Variants in ZSCAN5A observed in about 807,000 individuals in gnomAD.
The protein encoded by ZSCAN5A is zinc finger and SCAN domain-containing protein 5A.
In ZSCAN5A, 12 loss-of-function variants were observed where a neutral mutation model predicts 23.7. That is an observed-to-expected ratio of 0.51 (90% CI 0.32 to 0.82). The LOEUF (loss-of-function observed/expected upper bound fraction) is 0.82. ZSCAN5A is among the 40% of genes least tolerant of loss of function. ZSCAN5A has a pLI of 0.03. For synonymous variants in ZSCAN5A, 257 were observed against 239.9 expected (o/e 1.07, Z -0.66); for missense variants, 597 against 617.9 (o/e 0.97, Z 0.36).
chr19:56,228,324 G>A (rs1275799527), intron 2 of ZSCAN5A: 4 of 985,278 alleles, frequency 4.1e-6, no homozygotes, highest in East Asian at 1.1e-4. Flanking sequence ...GCTGAACTGC[G>A]TCTATTTATG....
chr19:56,308,551 T>A (rs1361887868), intron 2 of ZSCAN5A, among the ~76,000 whole-genome samples: 6 of 151,206 alleles, frequency 4.0e-5, no homozygotes, highest in Non-Finnish European at 8.8e-5. Flanking sequence ...CTCGAACTCC[T>A]GACCTCAGGT....
At chr19:56,251,432 A>T (rs758636173) in intron 2 of ZSCAN5A, among the ~76,000 whole-genome samples, 1 of 152,148 alleles carries the variant, frequency 6.6e-6, no homozygotes, top group Non-Finnish European at 1.5e-5. Flanking sequence ...TGCATTGAGA[A>T]GCTGTATCAG....
At chr19:56,302,515 T>TCCCTCCCTCCC (rs1354736929) in intron 2 of ZSCAN5A, among the ~76,000 whole-genome samples, 1 of 26,434 alleles carries the variant, frequency 3.8e-5, no homozygotes, top group Non-Finnish European at 8.4e-5. Flanking sequence ...CCTTCTTTCC[T>TCCCTCCCTCCC]TCCTCCCTCC....
rs116715091 is a variant in ZSCAN5A, at chr19:56,320,829, G to A, written c.-357-4561C>T. On this transcript the variant is annotated intron_variant, in intron 2 of 6. Transcript: ENST00000587340. ...TTATCACCATAGGTGGCAGCAAGAT[G>A]CTGTGCCCCCTCGCTTTCAAGTCCA... 772 of 781,040 alleles carry A rather than the reference G, an allele frequency of 9.9e-4. 5 individuals are homozygous for A. The African/African-American group carries it at 0.012, about 12-fold the overall frequency. 48.4% of individuals were successfully genotyped at this position (781,040 alleles called of 1,614,324 possible).
chr19:56,251,213 C>T (rs116509971), intron 2 of ZSCAN5A, among the ~76,000 whole-genome samples: 1,980 of 150,970 alleles, frequency 0.013, 42 homozygotes, highest in African/African-American at 0.043. Flanking sequence ...ACCCTCCGTA[C>T]TTCAGGAAGA....
In ZSCAN5A at chr19:56,225,056, A is replaced by C. The variant is rs764768627; in HGVS notation, c.-10T>G. 32 of 1,570,808 alleles carry C rather than the reference A, an allele frequency of 2.0e-5. No individual in the cohort carries two copies. Among genetic ancestry groups the C allele is most frequent in the African/African-American group, 4.1e-5 (3 of 73,650 alleles). On this transcript the variant is annotated 5_prime_UTR_variant, in exon 3 of 6. Coordinates refer to ENST00000683990, the MANE Select transcript of ZSCAN5A (RefSeq NM_001322064.3). The stretch of plus-strand genomic sequence containing the variant: ...TGCAATTTGCAGCCATATCTAGTGG[A>C]GAATTTTTTAATCAGTCTCTGAGAA...
At chr19:56,282,037 C>A (rs995763202) in intron 2 of ZSCAN5A, among the ~76,000 whole-genome samples, 1 of 152,010 alleles carries the variant, frequency 6.6e-6, no homozygotes, top group African/African-American at 2.4e-5. Context: ...AATCTAGGGG[C>A]CTTTGCTCTA....
At chr19:56,333,613 G>C (rs770993746) in intron 2 of ZSCAN5A, among the ~76,000 whole-genome samples, 3 of 151,998 alleles carry the variant, frequency 2.0e-5, no homozygotes, top group Non-Finnish European at 4.4e-5. Flanking sequence ...TGCAATGCAT[G>C]CTTTGAATTT....
At chr19:56,344,909 C>CAA (rs1019131536) in intron 2 of ZSCAN5A, among the ~76,000 whole-genome samples, 385 of 18,898 alleles carry the variant, frequency 0.02, 22 homozygotes, top group East Asian at 0.065. Flanking sequence ...GACTCCGTCT[C>CAA]AAAAAAAAAA....
intron 2 of ZSCAN5A, among the ~76,000 whole-genome samples, chr19:56,243,874 G>T (rs950306613): frequency 2.0e-5 from 3 of 152,118 alleles, no homozygotes; most frequent in Non-Finnish European, 2.9e-5. Flanking sequence ...GAAGGGATGG[G>T]TGGATAGACT....
At chr19:56,330,535 G>A (rs2041479728) in intron 2 of ZSCAN5A, among the ~76,000 whole-genome samples, 1 of 152,038 alleles carries the variant, frequency 6.6e-6, no homozygotes. Context: ...TTTGACTGGT[G>A]TAAGATGGCA....
intron 2 of ZSCAN5A, among the ~76,000 whole-genome samples, chr19:56,266,982 ATCT>A (rs1404547857): frequency 3.9e-5 from 6 of 151,920 alleles, no homozygotes; most frequent in Admixed American, 2.6e-4. Flanking sequence ...ATCCACAATG[ATCT>A]TCTTTCTGCG....
chr19:56,245,649 G>C (rs1203597741), intron 2 of ZSCAN5A, among the ~76,000 whole-genome samples: 1 of 152,232 alleles, frequency 6.6e-6, no homozygotes, highest in African/African-American at 2.4e-5. Flanking sequence ...TGGGGGGTCA[G>C]AAATGGTCTC....
intron 2 of ZSCAN5A, among the ~76,000 whole-genome samples, chr19:56,233,912 C>G (rs1384017635): frequency 2.0e-5 from 3 of 152,188 alleles, no homozygotes; most frequent in Admixed American, 6.5e-5. Context: ...AGAAAAGGAA[C>G]CCGGGCCAGG....
intron 2 of ZSCAN5A, among the ~76,000 whole-genome samples, chr19:56,230,621 G>A (rs1326138916): frequency 0.16 from 8,327 of 53,258 alleles, 784 homozygotes; most frequent in African/African-American, 0.28. Context: ...CTTGATGTGT[G>A]TGTGTGTGTG....
rs2146378822 is a variant in ZSCAN5A at position 56,222,738 on chromosome 19, C to G, written c.592G>C (p.Glu198Gln). 6.2e-7 allele frequency: 1 copy of G among 1,614,162 alleles called. No homozygotes were observed. The highest frequency in any genetic ancestry group is 2.2e-5 in the East Asian group (1 of 44,870). ...RVPALSRRQG[E>Q]DFLLHKSIDV... Reference sequence around the variant, plus strand: ...ATACTCTTGTGTAGCAGAAAGTCCTCTCCCTGAAGAGGAAAAACCAAGAGT... The same window carrying G: ...ATACTCTTGTGTAGCAGAAAGTCCTGTCCCTGAAGAGGAAAAACCAAGAGT... The change falls in exon 5 of 6, where the codon GAG (glutamate) becomes CAG (glutamine). Residue 198 changes from glutamate (E) to glutamine (Q), a missense_variant. This residue lies in a region of ZSCAN5A where 406 missense variants were observed against 353.2 expected (regional missense o/e 1.15). Coordinates refer to ENST00000683990, the MANE Select transcript of ZSCAN5A (RefSeq NM_001322064.3).
intron 2 of ZSCAN5A, among the ~76,000 whole-genome samples, chr19:56,304,203 G>A (rs967067384): frequency 2.0e-5 from 3 of 152,198 alleles, no homozygotes; most frequent in African/African-American, 4.8e-5. Context: ...GGGACCTGGC[G>A]GTGCTCATGG....
At chr19:56,324,091 C>A (rs2041410151) in intron 2 of ZSCAN5A, among the ~76,000 whole-genome samples, 1 of 152,142 alleles carries the variant, frequency 6.6e-6, no homozygotes, top group African/African-American at 2.4e-5. Context: ...TTCTATCCAA[C>A]TGTATTTTTG....
chr19:56,303,148 C>T (rs1055693693), intron 2 of ZSCAN5A, among the ~76,000 whole-genome samples: 1 of 152,040 alleles, frequency 6.6e-6, no homozygotes, highest in African/African-American at 2.4e-5. Flanking sequence ...ACACCATGTG[C>T]GAGACTCAGA....
Sources: gnomAD v4.1 joint callset for allele counts (sites outside exome capture counted in the v4.1 genomes callset) on GRCh38, gnomAD v4.1.1 for gene constraint, gnomAD v4.1.1 regional missense constraint, MANE v1.5 for transcripts, NCBI Gene and HGNC (gene_info 2026-07-23, HGNC 2026-07-21) for gene names.